TTLL4: variants seen among roughly 807,000 people sequenced by gnomAD.
The protein encoded by TTLL4 is tubulin monoglutamylase TTLL4.
In TTLL4, 85 loss-of-function variants were observed where a neutral mutation model predicts 122.7. That is an observed-to-expected ratio of 0.69 (90% confidence interval 0.58 to 0.83). The LOEUF is 0.83. TTLL4 is among the 40% of genes least tolerant of loss of function. The pLI, the probability that TTLL4 is intolerant of heterozygous loss-of-function variation, is 0.00. For missense variants in TTLL4, 1,363 were observed against 1,488.6 expected, an observed-to-expected ratio of 0.92 and a Z score of 1.39; for synonymous variants, 553 against 563.0, an observed-to-expected ratio of 0.98 and a Z score of 0.25.
chr2:218,714,467 C>T (rs990047431), intron 1 of TTLL4, among the ~76,000 whole-genome samples: 1 of 152,158 alleles, frequency 6.6e-6, no homozygotes, highest in African/African-American at 2.4e-5. Context: ...TGGTAAATCA[C>T]CAAAAGTCAG....
In TTLL4 at chr2:218,754,500, C is replaced by T. The variant is rs1338494573; in HGVS notation, c.*111C>T. 17 of 1,414,440 alleles carry T rather than the reference C, an allele frequency of 1.2e-5. No individual in the cohort carries two copies. In the East Asian group the frequency reaches 1.8e-4, roughly 15 times the overall value. 87.6% of individuals were successfully genotyped at this position (1,414,440 alleles called of 1,614,324 possible). A position where few individuals can be genotyped will look rare whatever the true frequency, so the allele number is the denominator to read the frequency against. ...CCCCTACCCCTTTCACCCTGTCCCT[C>T]CTCAGAGTATTTTTTGAAGTGGTTG... On this transcript the variant is annotated 3_prime_UTR_variant, in exon 20 of 20. Transcript: ENST00000392102.
In TTLL4 at chr2:218,748,198, A is replaced by C; in HGVS notation, c.2472A>C (p.Ala824=). The part of the protein sequence containing the change: ...NKKNAEYQAN[A]DEMACQGHKW... ...AGAATGCCGAGTACCAGGCCAATGC[A>C]GATGAAATGGCTTGCCAGGGCCACA... The change falls in exon 12 of 20, where the codon GCA becomes GCC. Residue 824 remains alanine, a synonymous_variant. Coordinates refer to ENST00000392102, the MANE Select transcript of TTLL4 (RefSeq NM_014640.5). The C allele has an allele frequency of 1.2e-6, 2 of 1,614,196 alleles. No homozygotes were observed. The highest frequency in any genetic ancestry group is 1.7e-6 in the Non-Finnish European group (2 of 1,180,020).
Position 218,747,428 on chromosome 2 carries a change from T to C in TTLL4, c.2249+56T>C. The C allele has an allele frequency of 2.5e-6, 4 of 1,594,176 alleles. No individual in the cohort carries two copies. The highest frequency in any genetic ancestry group is 3.4e-6 in the Non-Finnish European group (4 of 1,167,294). On this transcript the variant is annotated intron_variant, in intron 10 of 19. Coordinates refer to ENST00000392102, the MANE Select transcript of TTLL4 (RefSeq NM_014640.5). This position sits in a 1 kb window ranked among gnomAD's most constrained non-coding sequence, Gnocchi z 4.7. ...TCCTCCCACCTCCTTGGCCTCGAGG[T>C]TCCCTTCTTACAATGTTCTGCCCTT...
intron 1 of TTLL4, among the ~76,000 whole-genome samples, chr2:218,712,683 G>A (rs1227591125): frequency 6.6e-6 from 1 of 151,978 alleles, no homozygotes; most frequent in African/African-American, 2.4e-5. Context: ...CACCGCGCCC[G>A]GCCCCAATGA....
At chr2:218,749,062 G>T in intron 13 of TTLL4, 128 bp downstream of exon 13, 1 of 1,235,842 alleles carries the variant, frequency 8.1e-7, no homozygotes, top group East Asian at 2.5e-5. Context: ...GAATAGGAAG[G>T]AGTGGCCAGA....
chr2:218,734,664 A>G (rs1277270911), intron 2 of TTLL4, among the ~76,000 whole-genome samples: 1 of 152,176 alleles, frequency 6.6e-6, no homozygotes, highest in South Asian at 2.1e-4. Flanking sequence ...GCTGTTTTTC[A>G]GGGGGACCAG....
rs763056866 is a variant in TTLL4, at chr2:218,745,674, C to T, written c.1787-17C>T. ...CCTCTCCATCCCCCATCCCCACACCCCTTGCATTCTTCCCAGTGGAGAAAC... is the reference window on the plus strand; with the variant it reads ...CCTCTCCATCCCCCATCCCCACACCTCTTGCATTCTTCCCAGTGGAGAAAC... On this transcript the variant is annotated splice_polypyrimidine_tract_variant and intron_variant, in intron 6 of 19. Transcript: ENST00000392102. 11 of 1,552,012 alleles carry T rather than the reference C, an allele frequency of 7.1e-6. No homozygotes were observed. In the South Asian group the frequency reaches 8.0e-5, roughly 11 times the overall value.
At chr2:218,751,250 A>ATT (rs544662018) in intron 15 of TTLL4, among the ~76,000 whole-genome samples, 1 of 151,142 alleles carries the variant, frequency 6.6e-6, no homozygotes, top group Admixed American at 6.6e-5. Flanking sequence ...TAAAATTATT[A>ATT]TTTTTTTTTA....
chr2:218,738,369 T>A lies in TTLL4; in HGVS notation c.693T>A (p.Pro231=). Residue 231 remains proline, a synonymous_variant, in exon 3 of 20, where the codon CCT becomes CCA. Coordinates refer to ENST00000392102, the MANE Select transcript of TTLL4 (RefSeq NM_014640.5). ...SFMWPNSTPV[P]LLQTTQGLKP... ...TGTGGCCAAATAGCACGCCAGTGCC[T>A]TTATTGCAGACCACACAGGGCCTGA... 3 of 1,614,126 alleles carry A rather than the reference T, an allele frequency of 1.9e-6. No individual in the cohort carries two copies. Among genetic ancestry groups the A allele is most frequent in the Non-Finnish European group, 2.5e-6 (3 of 1,180,034 alleles).
chr2:218,740,115 A>G lies in TTLL4; in HGVS notation c.1545A>G (p.Leu515=), dbSNP rs1034759316. 20 of 1,614,206 alleles carry G rather than the reference A, an allele frequency of 1.2e-5. No individual in the cohort carries two copies. Among genetic ancestry groups the G allele is most frequent in the Non-Finnish European group, 1.7e-5 (20 of 1,180,036 alleles). ...AGACTGAAGATACAGAAGAAGAACTAGTAGATGGTTTGGAAGACTGTTGTA... is the reference window on the plus strand; with the variant it reads ...AGACTGAAGATACAGAAGAAGAACTGGTAGATGGTTTGGAAGACTGTTGTA... ...QAETEDTEEE[L]VDGLEDCCSR... Residue 515 remains leucine, a synonymous_variant, in exon 4 of 20, where the codon CTA becomes CTG. Coordinates refer to ENST00000392102, the MANE Select transcript of TTLL4 (RefSeq NM_014640.5).
intron 1 of TTLL4, among the ~76,000 whole-genome samples, chr2:218,715,017 G>A (rs913267332): frequency 4.0e-5 from 6 of 151,420 alleles, no homozygotes; most frequent in Non-Finnish European, 7.3e-5. Context: ...GTATGCTAAC[G>A]TAAGTTAGTT....
intron 1 of TTLL4, among the ~76,000 whole-genome samples, chr2:218,718,929 C>G (rs767587958): frequency 6.6e-6 from 1 of 152,194 alleles, no homozygotes; most frequent in Non-Finnish European, 1.5e-5. Flanking sequence ...GGGTTGGAGA[C>G]TGGGCTGAGG....
Position 218,738,489 on chromosome 2 carries a change from C to T in TTLL4, c.813C>T (p.Pro271=). The T allele has an allele frequency of 6.2e-7, 1 of 1,614,146 alleles. No individual in the cohort carries two copies. The highest frequency in any genetic ancestry group is 8.5e-7 in the Non-Finnish European group (1 of 1,180,046). The part of the protein sequence containing the change: ...CAPQPVDHKV[P]KSIGTVPADA... Reference sequence around the variant, plus strand: ...CGCAGCCTGTTGACCATAAGGTGCCCAAAAGCATTGGCACTGTCCCAGCTG... The same window carrying T: ...CGCAGCCTGTTGACCATAAGGTGCCTAAAAGCATTGGCACTGTCCCAGCTG... Residue 271 remains proline, a synonymous_variant, in exon 3 of 20, where the codon CCC becomes CCT. Transcript: ENST00000392102.
chr2:218,749,152 C>T, intron 13 of TTLL4, 101 bp from the exon 14 acceptor site: 1 of 1,533,588 alleles, frequency 6.5e-7, no homozygotes, highest in Non-Finnish European at 8.8e-7. Flanking sequence ...TCCTGGGTTG[C>T]TTCTGCCTGC....
At chr2:218,734,992 A>G (rs1285923493) in intron 2 of TTLL4, among the ~76,000 whole-genome samples, 1 of 152,138 alleles carries the variant, frequency 6.6e-6, no homozygotes, top group Admixed American at 6.5e-5. Context: ...CTCAAAATCC[A>G]GTTTTAGCAT....
Position 218,747,280 on chromosome 2 carries a change from C to T in TTLL4, c.2167-10C>T, listed in dbSNP as rs767939598. ...ACCTGGAGCAAATCTCATCTCCTTT[C>T]TGCTCCTAGCCAGCATCAGCTCGAG... On this transcript the variant is annotated splice_polypyrimidine_tract_variant and intron_variant, in intron 9 of 19. Coordinates refer to ENST00000392102, the MANE Select transcript of TTLL4 (RefSeq NM_014640.5). This position sits in a 1 kb window ranked among gnomAD's most constrained non-coding sequence, Gnocchi z 4.7. 1.2e-6 allele frequency: 2 copies of T among 1,614,190 alleles called. No individual in the cohort carries two copies. Among genetic ancestry groups the T allele is most frequent in the East Asian group, 2.2e-5 (1 of 44,888 alleles).
chr2:218,739,249 G>A, intron 3 of TTLL4, 86 bp downstream of exon 3: 3 of 1,472,098 alleles, frequency 2.0e-6, no homozygotes, highest in Admixed American at 2.4e-5. Flanking sequence ...TACCTCTGAA[G>A]GTTGGTTTTA....
At chr2:218,750,270 T>C in intron 15 of TTLL4, 124 bp downstream of exon 15, 1 of 1,328,834 alleles carries the variant, frequency 7.5e-7, no homozygotes, top group Non-Finnish European at 1.0e-6. Context: ...ATCTTGCCCC[T>C]ACAGTCCACT....
At chr2:218,753,208 A>T in intron 18 of TTLL4, 23 bp downstream of exon 18, 1 of 1,613,794 alleles carries the variant, frequency 6.2e-7, no homozygotes, top group Non-Finnish European at 8.5e-7. Flanking sequence ...AGTGTGGAGG[A>T]CAGCTCCTTC....
Sources: gnomAD v4.1 joint callset for allele counts (sites outside exome capture counted in the v4.1 genomes callset) on GRCh38, gnomAD v4.1.1 for gene constraint, Gnocchi (gnomAD v3.1) non-coding constraint, MANE v1.5 for transcripts, NCBI Gene and HGNC (gene_info 2026-07-23, HGNC 2026-07-21) for gene names.